COMMD10: variants seen among roughly 807,000 people sequenced by gnomAD.
The protein encoded by COMMD10 is COMM domain containing 10, also known as COMM domain-containing protein 10.
In COMMD10, 33 loss-of-function variants were observed where a neutral mutation model predicts 28.9. The observed-to-expected ratio is 1.14, with a 90% CI of 0.87 to 1.53. The LOEUF is 1.53. Ranked by LOEUF, COMMD10 falls within the 40% of genes most tolerant of loss-of-function variation. The probability of loss-of-function intolerance (pLI) is 0.00; values close to 1 mark genes in which losing one functional copy is unlikely to be tolerated. For missense variants in COMMD10, 310 were observed against 233.4 expected (o/e 1.33, Z -2.14); for synonymous variants, 110 against 81.7 (o/e 1.35, Z -1.87).
chr5:116,212,594 T>A (rs1748996080), intron 5 of COMMD10, among the ~76,000 whole-genome samples: 1 of 149,824 alleles, frequency 6.7e-6, no homozygotes, highest in Admixed American at 6.8e-5. Context: ...GATAGATGTA[T>A]AGAACTTCTG....
At chr5:116,257,832 C>G (rs749552522) in intron 5 of COMMD10, among the ~76,000 whole-genome samples, 3 of 151,616 alleles carry the variant, frequency 2.0e-5, no homozygotes, top group Non-Finnish European at 2.9e-5. Context: ...TATAATGTGC[C>G]TACAAGGTAA....
chr5:116,143,901 T>G (rs1752266643), intron 5 of COMMD10, among the ~76,000 whole-genome samples: 1 of 151,848 alleles, frequency 6.6e-6, no homozygotes, highest in Admixed American at 6.6e-5. Flanking sequence ...ATACATATGT[T>G]AAGCCAGTAA....
rs941199687 is a variant in COMMD10 at position 116,224,298 on chromosome 5, G to C, written c.511-67219G>C. Reference sequence around the variant, plus strand: ...GAATTAGGAAACTCTATGTAGATAGGAGCCATCTCTGTGTTTACTTACTGT... The same window carrying C: ...GAATTAGGAAACTCTATGTAGATAGCAGCCATCTCTGTGTTTACTTACTGT... On this transcript the variant is annotated intron_variant, in intron 5 of 6. Transcript: ENST00000274458. 1.0e-3 allele frequency among the ~76,000 whole-genome samples: 152 copies of C among 152,246 alleles called. 1 individual carries two copies. Among genetic ancestry groups the C allele is most frequent in the Non-Finnish European group, 3.4e-4 (23 of 68,012 alleles).
intron 5 of COMMD10, among the ~76,000 whole-genome samples, chr5:116,143,969 T>G (rs1752268229): frequency 6.6e-6 from 1 of 151,784 alleles, no homozygotes; most frequent in Non-Finnish European, 1.5e-5. Flanking sequence ...TAGCAAGGAA[T>G]TAGAAACTGT....
chr5:116,212,154 A>G (rs1340459605), intron 5 of COMMD10, among the ~76,000 whole-genome samples: 1 of 152,144 alleles, frequency 6.6e-6, no homozygotes, highest in African/African-American at 2.4e-5. Flanking sequence ...TCCTTTCAAA[A>G]GTTGATTTAA....
chr5:116,185,278 C>T lies in COMMD10; in HGVS notation c.510+51100C>T, dbSNP rs148837449. 7.9e-5 allele frequency among the ~76,000 whole-genome samples: 12 copies of T among 152,044 alleles called. No individual in the cohort carries two copies. In the East Asian group the frequency reaches 2.1e-3, roughly 27 times the overall value. On this transcript the variant is annotated intron_variant, in intron 5 of 6. Transcript: ENST00000274458. Reference sequence around the variant, plus strand: ...AAAATGGTCAGTTGTGCTCTGAGTCCTAGGTGTCTTCTAGATATAAATATG... The same window carrying T: ...AAAATGGTCAGTTGTGCTCTGAGTCTTAGGTGTCTTCTAGATATAAATATG...
intron 5 of COMMD10, among the ~76,000 whole-genome samples, chr5:116,139,661 C>T (rs780080500): frequency 7.9e-5 from 12 of 151,282 alleles, no homozygotes; most frequent in Non-Finnish European, 1.5e-4. Context: ...AGCATACTTT[C>T]TCACCCTTAA....
At chr5:116,164,649 T>C (rs745451913) in intron 5 of COMMD10, among the ~76,000 whole-genome samples, 29 of 152,224 alleles carry the variant, frequency 1.9e-4, no homozygotes, top group Non-Finnish European at 3.2e-4. Flanking sequence ...TGACCACATG[T>C]ATCTTTATTT....
chr5:116,207,218 T>C (rs755278394), intron 5 of COMMD10, among the ~76,000 whole-genome samples: 1 of 152,224 alleles, frequency 6.6e-6, no homozygotes, highest in Non-Finnish European at 1.5e-5. Flanking sequence ...AATAAGCATA[T>C]AGGCATTTAA....
chr5:116,097,590 T>G (rs1025502446), intron 4 of COMMD10, among the ~76,000 whole-genome samples: 2 of 152,210 alleles, frequency 1.3e-5, no homozygotes, highest in East Asian at 3.8e-4. Flanking sequence ...GTTGTTTGTA[T>G]GTACTTCATA....
chr5:116,184,606 G>A (rs1386760630), intron 5 of COMMD10, among the ~76,000 whole-genome samples: 4 of 152,136 alleles, frequency 2.6e-5, no homozygotes, highest in Admixed American at 6.6e-5. Context: ...AAAAAGCAGC[G>A]TCAACTTTTA....
At chr5:116,222,311 T>G (rs1749280177) in intron 5 of COMMD10, among the ~76,000 whole-genome samples, 1 of 152,240 alleles carries the variant, frequency 6.6e-6, no homozygotes, top group Admixed American at 6.5e-5. Context: ...AATTAAATTT[T>G]AATATTTTAA....
rs1291941442 is a variant in COMMD10, at chr5:116,264,864, G to T, written c.511-26653G>T. ...GATTTTTATAGCAAGTCTATTCCAT[G>T]TAAATGACATGCAGTCATATAGCTT... On this transcript the variant is annotated intron_variant, in intron 5 of 6. Transcript: ENST00000274458. 2.6e-5 allele frequency among the ~76,000 whole-genome samples: 4 copies of T among 151,908 alleles called. No individual in the cohort carries two copies. In the East Asian group the frequency reaches 7.7e-4, roughly 29 times the overall value.
In COMMD10 at chr5:116,292,651, G is replaced by C. The variant is rs890366949; in HGVS notation, c.*162G>C. On this transcript the variant is annotated 3_prime_UTR_variant, in exon 7 of 7. Transcript: ENST00000274458. ...CAAATAACAACCAATAGAGATCATTGTTAAGAATACTGAGGTTCTAATATA... is the reference window on the plus strand; with the variant it reads ...CAAATAACAACCAATAGAGATCATTCTTAAGAATACTGAGGTTCTAATATA... The C allele has an allele frequency of 6.3e-6, 3 of 475,114 alleles. 1 individual carries two copies. The South Asian group carries it at 1.6e-4, about 25-fold the overall frequency. 29.4% of individuals were successfully genotyped at this position (475,114 alleles called of 1,614,324 possible).
In COMMD10 at chr5:116,282,255, C is replaced by G. The variant is rs983432304; in HGVS notation, c.511-9262C>G. Among the ~76,000 whole-genome samples, 6 of 151,866 alleles carry G rather than the reference C, an allele frequency of 4.0e-5. 1 individual carries two copies. The highest frequency in any genetic ancestry group is 5.9e-5 in the Non-Finnish European group (4 of 68,030). ...AGTCTGTCATCAAGTGCTGTCTCATCTACCTCTAAACATTACCTCAGAATT... is the reference window on the plus strand; with the variant it reads ...AGTCTGTCATCAAGTGCTGTCTCATGTACCTCTAAACATTACCTCAGAATT... On this transcript the variant is annotated intron_variant, in intron 5 of 6. Transcript: ENST00000274458.
At chr5:116,140,861 A>G (rs1336564885) in intron 5 of COMMD10, among the ~76,000 whole-genome samples, 1 of 151,658 alleles carries the variant, frequency 6.6e-6, no homozygotes, top group Admixed American at 6.6e-5. Flanking sequence ...GTGGTTTGCA[A>G]ATTTTTCTTC....
chr5:116,119,173 G>T (rs1224517910), intron 4 of COMMD10, among the ~76,000 whole-genome samples: 2 of 152,068 alleles, frequency 1.3e-5, no homozygotes, highest in African/African-American at 4.8e-5. Flanking sequence ...GAATATGAAG[G>T]CCAGTCTTAT....
intron 5 of COMMD10, among the ~76,000 whole-genome samples, chr5:116,149,102 G>A (rs1045199780): frequency 1.1e-4 from 16 of 147,852 alleles, no homozygotes; most frequent in Non-Finnish European, 1.9e-4. Context: ...GAGAATATGC[G>A]GTGTTTGGTT....
intron 5 of COMMD10, among the ~76,000 whole-genome samples, chr5:116,155,916 A>C (rs1752689868): frequency 6.6e-6 from 1 of 152,122 alleles, no homozygotes; most frequent in African/African-American, 2.4e-5. Flanking sequence ...AAATTATAGA[A>C]GTCAATTATC....
Sources: allele counts gnomAD v4.1 joint callset (sites outside exome capture counted in the v4.1 genomes callset), GRCh38; gene constraint gnomAD v4.1.1; transcripts MANE v1.5; gene names NCBI Gene and HGNC (gene_info 2026-07-23, HGNC 2026-07-21).